AK8: variants seen among roughly 807,000 people sequenced by gnomAD.
The protein encoded by AK8 is ATP-AMP transphosphorylase 8.
In AK8, 44 loss-of-function variants were observed where a neutral mutation model predicts 54.6. That is an observed-to-expected ratio of 0.81 (90% CI 0.63 to 1.04). The LOEUF is 1.04. AK8 is among the 50% of genes least tolerant of loss of function. The probability of loss-of-function intolerance (pLI) is 0.00; values close to 1 mark genes in which losing one functional copy is unlikely to be tolerated. For missense variants in AK8, 555 were observed against 613.6 expected, an observed-to-expected ratio of 0.90 and a Z score of 1.01; for synonymous variants, 239 against 245.6, an observed-to-expected ratio of 0.97 and a Z score of 0.25.
Position 132,878,018 on chromosome 9 carries a change from G to A in AK8, c.84+154C>T, listed in dbSNP as rs779131808. ...GTCCCCAGCTCGAGGGCCCCCTCGG[G>A]GTCACGGCGACACACGAATCGTACA... On this transcript the variant is annotated intron_variant, in intron 1 of 12. Transcript: ENST00000298545. This position sits in a 1 kb window ranked among gnomAD's most constrained non-coding sequence, Gnocchi z 4.7. 8.3e-5 allele frequency: 127 copies of A among 1,526,544 alleles called. No individual in the cohort carries two copies. Among genetic ancestry groups the A allele is most frequent in the Non-Finnish European group, 1.0e-4 (118 of 1,129,792 alleles). 94.6% of individuals were successfully genotyped at this position (1,526,544 alleles called of 1,614,324 possible). A position where few individuals can be genotyped will look rare whatever the true frequency, so the allele number is the denominator to read the frequency against.
In AK8 at chr9:132,797,277, G is replaced by A. The variant is rs538917983; in HGVS notation, c.980-4502C>T. Among the ~76,000 whole-genome samples, 31 of 147,704 alleles carry A rather than the reference G, an allele frequency of 2.1e-4. No individual in the cohort carries two copies. In the South Asian group the frequency reaches 6.5e-3, roughly 31 times the overall value. ...GCACCTGGCACAGTACTGGGCCCAC[G>A]GAAAGCATCTAATAAACACGAAGGA... is the stretch of plus-strand genomic sequence containing the variant. On this transcript the variant is annotated intron_variant, in intron 10 of 12. Transcript: ENST00000298545.
rs542665592 is a variant in AK8, at chr9:132,798,802, G to T, written c.980-6027C>A. Among the ~76,000 whole-genome samples the T allele has an allele frequency of 5.3e-5, 8 of 152,196 alleles. No individual in the cohort carries two copies. In the South Asian group the frequency reaches 1.0e-3, roughly 20 times the overall value. ...TTCCCCGCGGGGCTGGGTGTGCTTGGCCCTTGGCATGGGGGTAGATGGGGA... is the reference window on the plus strand; with the variant it reads ...TTCCCCGCGGGGCTGGGTGTGCTTGTCCCTTGGCATGGGGGTAGATGGGGA... On this transcript the variant is annotated intron_variant, in intron 10 of 12. Coordinates refer to ENST00000298545, the MANE Select transcript of AK8 (RefSeq NM_152572.3).
rs142170484 is a variant in AK8, at chr9:132,787,659, A to T, written c.1121+4975T>A. On this transcript the variant is annotated intron_variant, in intron 11 of 12. Coordinates refer to ENST00000298545, the MANE Select transcript of AK8 (RefSeq NM_152572.3). ...ACCAAGAAAAAGGAAGCCATGTGAT[A>T]TAGAAATAAAATATCGAATATGGGA... Among the ~76,000 whole-genome samples, 66 of 152,368 alleles carry T rather than the reference A, an allele frequency of 4.3e-4. No homozygotes were observed. The East Asian group carries it at 0.012, about 28-fold the overall frequency.
In AK8 at chr9:132,791,924, T is replaced by C. The variant is rs990929097; in HGVS notation, c.1121+710A>G. On this transcript the variant is annotated intron_variant, in intron 11 of 12. Coordinates refer to ENST00000298545, the MANE Select transcript of AK8 (RefSeq NM_152572.3). This position sits in a 1 kb window ranked among gnomAD's most constrained non-coding sequence, Gnocchi z 4.0. ...AACCAGTCACACAGGAGGCCCCGCC[T>C]CTAGTTAACCCACCCAGCTTCCCCA... Among the ~76,000 whole-genome samples the C allele has an allele frequency of 1.3e-5, 2 of 152,192 alleles. No homozygotes were observed. Among genetic ancestry groups the C allele is most frequent in the African/African-American group, 4.8e-5 (2 of 41,438 alleles).
At chr9:132,775,668 C>G (rs550610542) in intron 11 of AK8, among the ~76,000 whole-genome samples, 2 of 152,308 alleles carry the variant, frequency 1.3e-5, no homozygotes, top group Non-Finnish European at 2.9e-5. Flanking sequence ...AGAGCCCTTG[C>G]TATATGGCAT....
At chr9:132,849,241 A>C (rs958786518) in intron 5 of AK8, among the ~76,000 whole-genome samples, 4 of 152,140 alleles carry the variant, frequency 2.6e-5, no homozygotes, top group African/African-American at 7.2e-5. Flanking sequence ...CTCAAGAGAA[A>C]GGGCAGAAAT....
chr9:132,770,831 C>A lies in AK8; in HGVS notation c.1121+21803G>T, dbSNP rs79707431. 4.7e-3 allele frequency among the ~76,000 whole-genome samples: 714 copies of A among 152,288 alleles called. 4 individuals carry two copies. Among genetic ancestry groups the A allele is most frequent in the African/African-American group, 0.016 (682 of 41,562 alleles). On this transcript the variant is annotated intron_variant, in intron 11 of 12. Transcript: ENST00000298545. This position sits in a 1 kb window ranked among gnomAD's most constrained non-coding sequence, Gnocchi z 4.3. The stretch of plus-strand genomic sequence containing the variant: ...AAGCAGCTGCTGAGTGCACGGCAGA[C>A]CCCCTGGCATGGGGTTACACCTTCT...
At chr9:132,850,625 T>G (rs1842936399) in intron 5 of AK8, among the ~76,000 whole-genome samples, 2 of 152,158 alleles carry the variant, frequency 1.3e-5, no homozygotes, top group Admixed American at 1.3e-4. Context: ...CTCGAAATCC[T>G]GACCTCAGGT....
At chr9:132,815,552 CAAAAAA>C (rs1029887628) in intron 9 of AK8, among the ~76,000 whole-genome samples, 2 of 138,722 alleles carry the variant, frequency 1.4e-5, no homozygotes, top group African/African-American at 5.3e-5. Context: ...GACTCCGTTT[CAAAAAA>C]AAAAAGAAAA....
At position 132,863,736 on chromosome 9, in the gene AK8, G is replaced by T; in HGVS notation, c.262C>A (p.Leu88Met). 1 of 1,614,190 alleles carries T rather than the reference G, an allele frequency of 6.2e-7. No individual in the cohort carries two copies. The highest frequency in any genetic ancestry group is 1.1e-5 in the South Asian group (1 of 91,084). ...CKHLNSSLLT[L>M]ENLILNEFSY... ...AACTCATTTAAGATCAGGTTCTCCA[G>T]GGTGAGGAGACTGCTGTTCAGATGT... is the stretch of plus-strand genomic sequence containing the variant. Residue 88 changes from leucine to methionine, a missense_variant, in exon 4 of 13, where the codon CTG (leucine) becomes ATG (methionine). Transcript: ENST00000298545.
chr9:132,832,063 GAAAAAAAAAA>G (rs11284701), intron 5 of AK8, among the ~76,000 whole-genome samples: 3 of 12,420 alleles, frequency 2.4e-4, no homozygotes, highest in African/African-American at 8.7e-4. Context: ...CCTTGTCTCT[GAAAAAAAAAA>G]AAAAAAAAAA....
In AK8 at chr9:132,751,399, A is replaced by G. The variant is rs907668137; in HGVS notation, c.1122-23865T>C. Reference sequence around the variant, plus strand: ...ACTCCAAAAAAAAAAAAAAAAAACAAAAAAAACCAACTTCTGGGTTTTGCT... The same window carrying G: ...ACTCCAAAAAAAAAAAAAAAAAACAGAAAAAACCAACTTCTGGGTTTTGCT... On this transcript the variant is annotated intron_variant, in intron 11 of 12. Coordinates refer to ENST00000298545, the MANE Select transcript of AK8 (RefSeq NM_152572.3). 2.7e-5 allele frequency among the ~76,000 whole-genome samples: 4 copies of G among 146,876 alleles called. 1 individual carries two copies. The highest frequency in any genetic ancestry group is 5.9e-5 in the Non-Finnish European group (4 of 67,422).
At chr9:132,816,015 A>G (rs1478061515) in intron 9 of AK8, among the ~76,000 whole-genome samples, 1 of 152,184 alleles carries the variant, frequency 6.6e-6, no homozygotes, top group Non-Finnish European at 1.5e-5. Flanking sequence ...ATTTAATCCA[A>G]TGTGCTTGGC....
chr9:132,827,073 A>T lies in AK8; in HGVS notation c.557-19T>A. The T allele has an allele frequency of 6.2e-7, 1 of 1,612,120 alleles. No homozygotes were observed. Among genetic ancestry groups the T allele is most frequent in the Non-Finnish European group, 8.5e-7 (1 of 1,178,348 alleles). ...TAAATCTCTACAAGGAGAGAGGTGC[A>T]CAGTTAGAAATGGCCATGCAGGGGC... On this transcript the variant is annotated intron_variant, in intron 7 of 12. Transcript: ENST00000298545.
intron 5 of AK8, among the ~76,000 whole-genome samples, chr9:132,842,843 G>C (rs143508978): frequency 6.6e-6 from 1 of 152,216 alleles, no homozygotes; most frequent in Non-Finnish European, 1.5e-5. Context: ...TGAGGGCTCC[G>C]GTTTCTCGCT....
intron 11 of AK8, among the ~76,000 whole-genome samples, chr9:132,741,838 T>C (rs1033108224): frequency 2.6e-5 from 4 of 152,206 alleles, no homozygotes; most frequent in Non-Finnish European, 5.9e-5. Flanking sequence ...AAGCAAGCAC[T>C]GATGGACTTT....
At chr9:132,868,248 C>T (rs887452156) in intron 2 of AK8, among the ~76,000 whole-genome samples, 8 of 152,314 alleles carry the variant, frequency 5.3e-5, no homozygotes, top group African/African-American at 1.9e-4. Context: ...AACTAGACAT[C>T]GTCCTTTTGG....
At chr9:132,866,366 G>A (rs1843598628) in intron 3 of AK8, among the ~76,000 whole-genome samples, 1 of 152,198 alleles carries the variant, frequency 6.6e-6, no homozygotes, top group Non-Finnish European at 1.5e-5. Context: ...CTTCAAAGAT[G>A]TATTTTCTTT....
chr9:132,869,526 G>A lies in AK8; in HGVS notation c.170-2573C>T, dbSNP rs1199566208. ...TCGCCTGGCAGGGGAAGCGCTGGTG[G>A]TGGGCCCAGCCCTGACTGTCATGGA... On this transcript the variant is annotated intron_variant, in intron 2 of 12. Coordinates refer to ENST00000298545, the MANE Select transcript of AK8 (RefSeq NM_152572.3). Among the ~76,000 whole-genome samples the A allele has an allele frequency of 5.3e-5, 8 of 152,204 alleles. No homozygotes were observed. The South Asian group carries it at 1.2e-3, about 24-fold the overall frequency.
Sources: gnomAD v4.1 joint callset for allele counts (sites outside exome capture counted in the v4.1 genomes callset) on GRCh38, gnomAD v4.1.1 for gene constraint, Gnocchi (gnomAD v3.1) non-coding constraint, MANE v1.5 for transcripts, NCBI Gene and HGNC (gene_info 2026-07-23, HGNC 2026-07-21) for gene names.